Variants in PEX26 observed in about 807,000 individuals in gnomAD.
The protein encoded by PEX26 is peroxisome assembly protein 26.
In PEX26, 18 loss-of-function variants were observed where a neutral mutation model predicts 31.4. The observed-to-expected ratio is 0.57, with a 90% CI of 0.40 to 0.85. The LOEUF (loss-of-function observed/expected upper bound fraction) is 0.85. Among genes scored for constraint, PEX26 ranks in the 40% least tolerant of loss-of-function variants. The pLI, the probability that PEX26 is intolerant of heterozygous loss-of-function variation, is 0.00. For synonymous variants in PEX26, 176 were observed against 166.9 expected (o/e 1.05, Z -0.42); for missense variants, 377 against 383.9 (o/e 0.98, Z 0.15).
Position 18,088,127 on chromosome 22 carries a change from G to A in PEX26, c.*52G>A, listed in dbSNP as rs767546817. 1.6e-6 allele frequency: 2 copies of A among 1,244,758 alleles called. No individual in the cohort carries two copies. The highest frequency in any genetic ancestry group is 2.4e-6 in the Non-Finnish European group (2 of 848,314). 77.1% of individuals were successfully genotyped at this position (1,244,758 alleles called of 1,614,324 possible). The stretch of plus-strand genomic sequence containing the variant: ...GCTCCTCACGTCCGTGGCCACAGAA[G>A]CAGAGCGACAGAGCGACACATCCAC... On this transcript the variant is annotated 3_prime_UTR_variant, in exon 5 of 5. Coordinates refer to ENST00000399744, the MANE Select transcript of PEX26 (RefSeq NM_001127649.3). The surrounding 1 kb of genome is among the most constrained non-coding windows in gnomAD (Gnocchi z 4.1).
At position 18,102,244 on chromosome 22, in the gene PEX26, G is replaced by T. The variant is rs1468041555; in HGVS notation, c.*14169G>T. 3 of 152,236 alleles carry T rather than the reference G, an allele frequency of 2.0e-5. No homozygotes were observed. The highest frequency in any genetic ancestry group is 4.4e-5 in the Non-Finnish European group (3 of 68,090). 9.4% of individuals were successfully genotyped at this position (152,236 alleles called of 1,614,324 possible). A position where few individuals can be genotyped will look rare whatever the true frequency, so the allele number is the denominator to read the frequency against. On this transcript the variant is annotated 3_prime_UTR_variant, in exon 5 of 5. Transcript: ENST00000399744. The stretch of plus-strand genomic sequence containing the variant: ...TGATTCAAAAGCACCTGAGAGATGG[G>T]AGGAGTACTAGGGTTACTAAACACA...
At position 18,078,524 on chromosome 22, in the gene PEX26, G is replaced by A; in HGVS notation, c.148G>A (p.Asp50Asn). ...EAADLLVVHL[D>N]FRAALETCER... The stretch of plus-strand genomic sequence containing the variant: ...GGCCGACCTCCTGGTGGTGCACCTG[G>A]ACTTCCGGGCGGCGCTGGAGACCTG... The change falls in exon 1 of 5, where the codon GAC becomes AAC. Residue 50 changes from aspartate to asparagine, a missense_variant. Transcript: ENST00000399744. 6.3e-7 allele frequency: 1 copy of A among 1,575,734 alleles called. No homozygotes were observed. Among genetic ancestry groups the A allele is most frequent in the Non-Finnish European group, 8.6e-7 (1 of 1,163,878 alleles).
rs1333578670 is a variant in PEX26 at position 18,101,944 on chromosome 22, G to C, written c.*13869G>C. The C allele has an allele frequency of 1.4e-3, 213 of 154,896 alleles. 2 individuals carry two copies. Among genetic ancestry groups the C allele is most frequent in the Non-Finnish European group, 1.3e-4 (9 of 69,708 alleles). 9.6% of individuals were successfully genotyped at this position (154,896 alleles called of 1,614,324 possible). On this transcript the variant is annotated 3_prime_UTR_variant, in exon 5 of 5. Coordinates refer to ENST00000399744, the MANE Select transcript of PEX26 (RefSeq NM_001127649.3). ...AGTCTCATCTTAGGTGGTTGAGTAGGAAGTTTGTGAAGCAGGTGGTGGGTG... is the reference window on the plus strand; with the variant it reads ...AGTCTCATCTTAGGTGGTTGAGTAGCAAGTTTGTGAAGCAGGTGGTGGGTG...
rs1247988118 is a variant in PEX26, at chr22:18,097,611, C to G, written c.*9536C>G. 2 of 151,702 alleles carry G rather than the reference C, an allele frequency of 1.3e-5. No homozygotes were observed. The highest frequency in any genetic ancestry group is 1.5e-5 in the Non-Finnish European group (1 of 67,960). The allele number at this position is 151,702 out of a possible 1,614,324, so 9.4% of individuals were successfully genotyped here. Reference sequence around the variant, plus strand: ...TCTTCCAGAGGTAAATTTAATACACCAATACAAAACCAGTATGGATATAGA... The same window carrying G: ...TCTTCCAGAGGTAAATTTAATACACGAATACAAAACCAGTATGGATATAGA... On this transcript the variant is annotated 3_prime_UTR_variant, in exon 5 of 5. Transcript: ENST00000399744.
At chr22:18,081,151 TTATATATA>T (rs60289884) in intron 2 of PEX26, among the ~76,000 whole-genome samples, 14,272 of 141,008 alleles carry the variant, frequency 0.1, 1,037 homozygotes, top group East Asian at 0.2. Flanking sequence ...TAGTATTCCA[TTATATATA>T]TATATATATA....
intron 1 of PEX26, chr22:18,079,154 A>T (rs1926443628): frequency 1.1e-6 from 1 of 942,976 alleles, no homozygotes; most frequent in Middle Eastern, 5.4e-4. Flanking sequence ...GGGTAACATA[A>T]TGAGCCCTCT....
chr22:18,102,149 A>G lies in PEX26; in HGVS notation c.*14074A>G, dbSNP rs1372615124. ...GATAGTGGGTTATTCCACACTGTTG[A>G]CACACTGAATGTATGCTGGCAGAAG... On this transcript the variant is annotated 3_prime_UTR_variant, in exon 5 of 5. Transcript: ENST00000399744. 6.6e-6 allele frequency: 1 copy of G among 152,220 alleles called. No individual in the cohort carries two copies. The highest frequency in any genetic ancestry group is 1.5e-5 in the Non-Finnish European group (1 of 68,054). The allele number at this position is 152,220 out of a possible 1,614,324, so 9.4% of individuals were successfully genotyped here.
chr22:18,081,496 G>A (rs1926606189), intron 2 of PEX26: 1 of 153,876 alleles, frequency 6.5e-6, no homozygotes, highest in Admixed American at 6.5e-5. Context: ...ATGTTGGAGT[G>A]TGGCTTGTGC....
intron 2 of PEX26, 68 bp from the exon 3 acceptor site, chr22:18,083,369 T>C (rs1309185399): frequency 1.3e-6 from 2 of 1,507,616 alleles, no homozygotes; most frequent in Non-Finnish European, 1.8e-6. Context: ...ATAGTGGTCA[T>C]GGGAAATGAA....
At position 18,078,476 on chromosome 22, in the gene PEX26, G is replaced by A. The variant is rs752047094; in HGVS notation, c.100G>A (p.Ala34Thr). Reference sequence around the variant, plus strand: ...GCGCGCGGTCCCGGCCCGGGCGCCGGCCGTGGACCTTCTGGAGGAGGCGGC... The same window carrying A: ...GCGCGCGGTCCCGGCCCGGGCGCCGACCGTGGACCTTCTGGAGGAGGCGGC... ...PVRAVPARAPAVDLLEEAADL... is the reference protein window; with the variant it reads ...PVRAVPARAPTVDLLEEAADL... The change falls in exon 1 of 5, where the codon GCC becomes ACC. Residue 34 changes from alanine (A) to threonine (T), a missense_variant. By Grantham distance (58) the Ala-to-Thr change is moderately conservative. Coordinates refer to ENST00000399744, the MANE Select transcript of PEX26 (RefSeq NM_001127649.3). 1.9e-6 allele frequency: 3 copies of A among 1,574,882 alleles called. No homozygotes were observed. The highest frequency in any genetic ancestry group is 2.6e-6 in the Non-Finnish European group (3 of 1,163,166).
Position 18,088,054 on chromosome 22 carries a change from C to T in PEX26, c.897C>T (p.Tyr299=), listed in dbSNP as rs1241876142. The change falls in exon 5 of 5, where the codon TAC becomes TAT. Residue 299 remains tyrosine, a synonymous_variant. Transcript: ENST00000399744. This position sits in a 1 kb window ranked among gnomAD's most constrained non-coding sequence, Gnocchi z 4.1. ...GGAAGGCTGCATTTTCTCGCCTCTA[C>T]CAGCTCCGCATCCGTGACTGAGGGT... ...WIRKAAFSRL[Y]QLRIRD 1.2e-6 allele frequency: 2 copies of T among 1,611,716 alleles called. No homozygotes were observed. The highest frequency in any genetic ancestry group is 2.2e-5 in the East Asian group (1 of 44,870).
chr22:18,083,388 T>C, intron 2 of PEX26, 49 bp from the exon 3 acceptor site: 1 of 1,582,204 alleles, frequency 6.3e-7, no homozygotes, highest in Non-Finnish European at 8.7e-7. Context: ...AACCAATCAT[T>C]GAGCACTGAC....
At chr22:18,080,316 A>ATTTTGTTTTGTTTTG (rs766272685) in intron 2 of PEX26, among the ~76,000 whole-genome samples, 1 of 152,044 alleles carries the variant, frequency 6.6e-6, no homozygotes, top group Non-Finnish European at 1.5e-5. Context: ...TTAAAAAAAA[A>ATTTTGTTTTGTTTTG]TTTTGTTTTG....
At position 18,100,619 on chromosome 22, in the gene PEX26, T is replaced by G. The variant is rs1260439799; in HGVS notation, c.*12544T>G. 6.6e-6 allele frequency: 1 copy of G among 152,218 alleles called. No homozygotes were observed. Among genetic ancestry groups the G allele is most frequent in the Non-Finnish European group, 1.5e-5 (1 of 68,040 alleles). 9.4% of individuals were successfully genotyped at this position (152,218 alleles called of 1,614,324 possible). ...AAAAATCAAAGGTACACATTGGGAATTGAACAGCTATGTTTTTTCTTCTTT... is the reference window on the plus strand; with the variant it reads ...AAAAATCAAAGGTACACATTGGGAAGTGAACAGCTATGTTTTTTCTTCTTT... On this transcript the variant is annotated 3_prime_UTR_variant, in exon 5 of 5. Transcript: ENST00000399744.
At chr22:18,085,037 G>T (rs1447447253) in intron 3 of PEX26, 75 bp from the exon 4 acceptor site, 61 of 1,548,972 alleles carry the variant, frequency 3.9e-5, no homozygotes, top group Non-Finnish European at 5.2e-5. Context: ...GGTCTTAGAA[G>T]CAAGCACAGA....
Position 18,101,746 on chromosome 22 carries a change from T to C in PEX26, c.*13671T>C. ...ACCTGGCATTACAATGGCCTCATCC[T>C]GCATGTGGGCAAGTCAGCTCTCTGA... On this transcript the variant is annotated 3_prime_UTR_variant, in exon 5 of 5. Coordinates refer to ENST00000399744, the MANE Select transcript of PEX26 (RefSeq NM_001127649.3). The C allele has an allele frequency of 4.1e-6, 1 of 244,544 alleles. No individual in the cohort carries two copies. The allele number at this position is 244,544 out of a possible 1,614,324, so 15.1% of individuals were successfully genotyped here.
intron 2 of PEX26, among the ~76,000 whole-genome samples, chr22:18,082,470 C>G (rs1218898412): frequency 6.6e-6 from 1 of 152,166 alleles, no homozygotes; most frequent in African/African-American, 2.4e-5. Context: ...ACTGTCTTTT[C>G]CCCTGTGTGT....
Position 18,097,047 on chromosome 22 carries a change from C to T in PEX26, c.*8972C>T, listed in dbSNP as rs1328528638. 6.6e-6 allele frequency: 1 copy of T among 152,174 alleles called. No individual in the cohort carries two copies. Among genetic ancestry groups the T allele is most frequent in the Non-Finnish European group, 1.5e-5 (1 of 68,064 alleles). 9.4% of individuals were successfully genotyped at this position (152,174 alleles called of 1,614,324 possible). ...TGAGGGGGGATGCCACACTTTAAAA[C>T]CATCAGAACTCGTGAGAACTGACTC... is the stretch of plus-strand genomic sequence containing the variant. On this transcript the variant is annotated 3_prime_UTR_variant, in exon 5 of 5. Transcript: ENST00000399744.
intron 4 of PEX26, among the ~76,000 whole-genome samples, chr22:18,086,127 G>A (rs1195817367): frequency 6.6e-6 from 1 of 151,682 alleles, no homozygotes; most frequent in Non-Finnish European, 1.5e-5. Context: ...GTGAAACCCC[G>A]TCTCTACTAA....
Sources: gnomAD v4.1 joint callset for allele counts (sites outside exome capture counted in the v4.1 genomes callset) on GRCh38, gnomAD v4.1.1 for gene constraint, Gnocchi (gnomAD v3.1) non-coding constraint, MANE v1.5 for transcripts, NCBI Gene and HGNC (gene_info 2026-07-23, HGNC 2026-07-21) for gene names.